The following XKR7 variants were observed in gnomAD, a reference collection of about 807,000 sequenced individuals.
XKR7 encodes the protein XK-related protein 7.
A neutral mutation model predicts 42.2 loss-of-function variants in XKR7; 11 were observed. That is an observed-to-expected ratio of 0.26 (90% CI 0.16 to 0.43). XKR7 has a LOEUF of 0.43. Among genes scored for constraint, XKR7 ranks in the 20% least tolerant of loss-of-function variants. The pLI is 1.00. For synonymous variants in XKR7, 346 were observed against 366.4 expected (o/e 0.94, Z 0.64); for missense variants, 710 against 802.2 (o/e 0.89, Z 1.39).
At chr20:31,982,325 AG>A (rs2064517046) in intron 1 of XKR7, among the ~76,000 whole-genome samples, 1 of 152,112 alleles carries the variant, frequency 6.6e-6, no homozygotes, top group Non-Finnish European at 1.5e-5. Context: ...GTTCGAGACC[AG>A]CCTGGCTGAC....
rs769126923 is a variant in XKR7, at chr20:31,968,543, C to G, written c.368C>G (p.Pro123Arg). ...GACTACTCGGAGCCCGCAGGGTCCC[C>G]GGGACCCGCCGTCAGCACCAAGGAC... ...VYDYSEPAGS[P>R]GPAVSTKDSV... The change falls in exon 1 of 3, where the codon CCG (proline) becomes CGG (arginine). Residue 123 changes from proline to arginine, a missense_variant. By Grantham distance (103) the Pro-to-Arg change is moderately radical. This residue lies in a region of XKR7 where 708 missense variants were observed against 786.2 expected (regional missense o/e 0.90). Coordinates refer to ENST00000562532, the MANE Select transcript of XKR7 (RefSeq NM_001011718.2). This position sits in a 1 kb window ranked among gnomAD's most constrained non-coding sequence, Gnocchi z 4.5. 3 of 1,605,050 alleles carry G rather than the reference C, an allele frequency of 1.9e-6. No individual in the cohort carries two copies. Among genetic ancestry groups the G allele is most frequent in the Non-Finnish European group, 2.5e-6 (3 of 1,176,482 alleles).
In XKR7 at chr20:31,996,754, G is replaced by T; in HGVS notation, c.1037G>T (p.Gly346Val). The T allele has an allele frequency of 6.2e-7, 1 of 1,614,064 alleles. No individual in the cohort carries two copies. Among genetic ancestry groups the T allele is most frequent in the Non-Finnish European group, 8.5e-7 (1 of 1,180,010 alleles). Residue 346 changes from glycine to valine, a missense_variant, in exon 3 of 3, where the codon GGG becomes GTG. Physicochemically the swap from Gly to Val is moderately radical, Grantham distance 109 (BLOSUM62 -3). Transcript: ENST00000562532. The part of the protein sequence containing the change: ...WCVMTFWVIQ[G>V]ETDFCMSKWE... Reference sequence around the variant, plus strand: ...GTCATGACCTTCTGGGTCATCCAAGGGGAGACGGACTTCTGCATGTCCAAG... The same window carrying T: ...GTCATGACCTTCTGGGTCATCCAAGTGGAGACGGACTTCTGCATGTCCAAG...
chr20:31,996,908 G>A lies in XKR7; in HGVS notation c.1191G>A (p.Ala397=). ...YHCIVLLENA[A]LTGFWYSSRN... Reference sequence around the variant, plus strand: ...GCATCGTCCTGCTGGAGAACGCCGCGCTCACCGGCTTCTGGTACTCCAGCC... The same window carrying A: ...GCATCGTCCTGCTGGAGAACGCCGCACTCACCGGCTTCTGGTACTCCAGCC... The change falls in exon 3 of 3, where the codon GCG becomes GCA. Residue 397 remains alanine, a synonymous_variant. Transcript: ENST00000562532. 1.2e-6 allele frequency: 2 copies of A among 1,613,818 alleles called. No individual in the cohort carries two copies. Among genetic ancestry groups the A allele is most frequent in the East Asian group, 2.2e-5 (1 of 44,854 alleles).
At chr20:31,988,694 C>T (rs1489227085) in intron 1 of XKR7, among the ~76,000 whole-genome samples, 1 of 152,152 alleles carries the variant, frequency 6.6e-6, no homozygotes, top group African/African-American at 2.4e-5. Context: ...CAGTGTCTGG[C>T]TCACTTCAGG....
chr20:31,988,963 G>A lies in XKR7; in HGVS notation c.585-6105G>A, dbSNP rs575430828. On this transcript the variant is annotated intron_variant, in intron 1 of 2. Transcript: ENST00000562532. ...AGTGCCTACTCAATAATGCATCAGT[G>A]CCTATTCTACAGGCACTGATGCTGG... Among the ~76,000 whole-genome samples, 98 of 152,276 alleles carry A rather than the reference G, an allele frequency of 6.4e-4. 1 individual carries two copies. The South Asian group carries it at 0.016, about 26-fold the overall frequency.
chr20:31,991,978 A>G (rs2064572226), intron 1 of XKR7, among the ~76,000 whole-genome samples: 1 of 152,098 alleles, frequency 6.6e-6, no homozygotes, highest in Non-Finnish European at 1.5e-5. Context: ...TTAGCCAGGC[A>G]TGATGGCGTA....
At chr20:31,982,050 G>A (rs902654313) in intron 1 of XKR7, among the ~76,000 whole-genome samples, 1 of 152,174 alleles carries the variant, frequency 6.6e-6, no homozygotes, top group Non-Finnish European at 1.5e-5. Flanking sequence ...AGGGACCTCT[G>A]TTTGGAGCAT....
At chr20:31,981,706 A>G (rs184454779) in intron 1 of XKR7, among the ~76,000 whole-genome samples, 1 of 152,116 alleles carries the variant, frequency 6.6e-6, no homozygotes, top group African/African-American at 2.4e-5. Context: ...CAAACAAACC[A>G]ACAAACAAAC....
At chr20:31,976,974 G>C (rs2064488196) in intron 1 of XKR7, among the ~76,000 whole-genome samples, 1 of 152,212 alleles carries the variant, frequency 6.6e-6, no homozygotes, top group Admixed American at 6.5e-5. Flanking sequence ...CTCTAGTGAG[G>C]TCTATGGTGG....
At position 31,996,784 on chromosome 20, in the gene XKR7, A is replaced by G. The variant is rs1390935496; in HGVS notation, c.1067A>G (p.Glu356Gly). The G allele has an allele frequency of 6.2e-7, 1 of 1,613,824 alleles. No individual in the cohort carries two copies. Among genetic ancestry groups the G allele is most frequent in the Non-Finnish European group, 8.5e-7 (1 of 1,180,002 alleles). ...ACGGACTTCTGCATGTCCAAGTGGG[A>G]GGAGATCATCTACAACATGGTCGTG... ...GETDFCMSKWEEIIYNMVVGI... is the reference protein window; with the variant it reads ...GETDFCMSKWGEIIYNMVVGI... The change falls in exon 3 of 3, where the codon GAG becomes GGG. Residue 356 changes from glutamate (E) to glycine (G), a missense_variant. Physicochemically the swap from Glu to Gly is moderately conservative, Grantham distance 98. Transcript: ENST00000562532.
At chr20:31,989,914 G>A (rs548072868) in intron 1 of XKR7, among the ~76,000 whole-genome samples, 6 of 152,262 alleles carry the variant, frequency 3.9e-5, no homozygotes, top group African/African-American at 1.4e-4. Flanking sequence ...CACCTGGCCT[G>A]GGGATAATTT....
At chr20:31,991,780 AC>A (rs2064571448) in intron 1 of XKR7, among the ~76,000 whole-genome samples, 1 of 152,146 alleles carries the variant, frequency 6.6e-6, no homozygotes, top group South Asian at 2.1e-4. Context: ...ACCTGGAATG[AC>A]CTTCCATCTC....
At chr20:31,990,046 A>G (rs1260295113) in intron 1 of XKR7, among the ~76,000 whole-genome samples, 1 of 152,224 alleles carries the variant, frequency 6.6e-6, no homozygotes, top group African/African-American at 2.4e-5. Flanking sequence ...GATGTGGGAT[A>G]GGGTGGACTT....
At chr20:31,992,323 G>C (rs1421231720) in intron 1 of XKR7, among the ~76,000 whole-genome samples, 1 of 152,166 alleles carries the variant, frequency 6.6e-6, no homozygotes, top group African/African-American at 2.4e-5. Context: ...TCTGGCTGCA[G>C]GGATCCTTAT....
chr20:31,968,799 TG>T lies in XKR7; in HGVS notation c.584+45del. On this transcript the variant is annotated intron_variant, in intron 1 of 2. Transcript: ENST00000562532. This position sits in a 1 kb window ranked among gnomAD's most constrained non-coding sequence, Gnocchi z 4.5. ...GGTGGAGGGACCTGAGCCCGAGGAG[TG>T]GGGGTGGCGAAGGGCTACCTGACGT... 2.1e-6 allele frequency: 3 copies of T among 1,453,444 alleles called. No individual in the cohort carries two copies. The highest frequency in any genetic ancestry group is 2.7e-6 in the Non-Finnish European group (3 of 1,108,594). The allele number at this position is 1,453,444 out of a possible 1,614,324, so 90.0% of individuals were successfully genotyped here. A position where few individuals can be genotyped will look rare whatever the true frequency, so the allele number is the denominator to read the frequency against.
rs2122281633 is a variant in XKR7, at chr20:31,995,343, G to A, written c.787+73G>A. 6.5e-7 allele frequency: 1 copy of A among 1,528,290 alleles called. No homozygotes were observed. The highest frequency in any genetic ancestry group is 8.7e-7 in the Non-Finnish European group (1 of 1,144,798). The allele number at this position is 1,528,290 out of a possible 1,614,324, so 94.7% of individuals were successfully genotyped here. ...CTTTCTCCCTGCTTCAGGCTCCCTG[G>A]GGATGCCCTGTGGGCTTCCCCACCC... On this transcript the variant is annotated intron_variant, in intron 2 of 2. Coordinates refer to ENST00000562532, the MANE Select transcript of XKR7 (RefSeq NM_001011718.2). The surrounding 1 kb of genome is among the most constrained non-coding windows in gnomAD (Gnocchi z 4.1).
rs1241364768 is a variant in XKR7 at position 31,996,777 on chromosome 20, A to C, written c.1060A>C (p.Lys354Gln). 1.2e-6 allele frequency: 2 copies of C among 1,614,064 alleles called. No homozygotes were observed. Among genetic ancestry groups the C allele is most frequent in the Non-Finnish European group, 1.7e-6 (2 of 1,180,006 alleles). The change falls in exon 3 of 3, where the codon AAG (lysine) becomes CAG (glutamine). Residue 354 changes from lysine to glutamine, a missense_variant. Coordinates refer to ENST00000562532, the MANE Select transcript of XKR7 (RefSeq NM_001011718.2). ...AGGGGAGACGGACTTCTGCATGTCCAAGTGGGAGGAGATCATCTACAACAT... is the reference window on the plus strand; with the variant it reads ...AGGGGAGACGGACTTCTGCATGTCCCAGTGGGAGGAGATCATCTACAACAT... ...IQGETDFCMS[K>Q]WEEIIYNMVV...
At chr20:31,983,658 TA>T (rs2064523783) in intron 1 of XKR7, among the ~76,000 whole-genome samples, 1 of 152,024 alleles carries the variant, frequency 6.6e-6, no homozygotes. Context: ...ATTTTAAAAG[TA>T]GTGGGGGCCG....
At position 31,997,007 on chromosome 20, in the gene XKR7, C is replaced by T. The variant is rs1229931873; in HGVS notation, c.1290C>T (p.Phe430=). ...CCTCCAGCTTTGCGCTGGGCATATT[C>T]TTCATGTGTGTCTACTACTGTCTCC... The part of the protein sequence containing the change: ...VVASSFALGI[F]FMCVYYCLLH... The change falls in exon 3 of 3, where the codon TTC becomes TTT. Residue 430 remains phenylalanine, a synonymous_variant. Transcript: ENST00000562532. The T allele has an allele frequency of 6.2e-7, 1 of 1,614,140 alleles. No homozygotes were observed. Among genetic ancestry groups the T allele is most frequent in the East Asian group, 2.2e-5 (1 of 44,880 alleles).
Sources: allele counts gnomAD v4.1 joint callset (sites outside exome capture counted in the v4.1 genomes callset), GRCh38; gene constraint gnomAD v4.1.1; regional missense constraint gnomAD v4.1.1; non-coding constraint Gnocchi (gnomAD v3.1); transcripts MANE v1.5; gene names NCBI Gene and HGNC (gene_info 2026-07-23, HGNC 2026-07-21).